CEP63: variants seen among roughly 807,000 people sequenced by gnomAD.
The protein encoded by CEP63 is centrosomal protein of 63 kDa.
Under a neutral mutation model 89.1 loss-of-function variants are expected in CEP63, and 84 were observed. The ratio of observed to expected loss-of-function variants is 0.94; its 90% CI spans 0.79 to 1.13. CEP63 has a LOEUF of 1.13. CEP63 is among the 50% of genes most tolerant of loss of function. The probability of loss-of-function intolerance (pLI) is 0.00; values close to 1 mark genes in which losing one functional copy is unlikely to be tolerated. For synonymous variants in CEP63, 267 were observed against 272.5 expected (o/e 0.98, Z 0.20); for missense variants, 838 against 813.3 (o/e 1.03, Z -0.37).
At chr3:134,554,515 G>A (rs1432789039) in intron 12 of CEP63, among the ~76,000 whole-genome samples, 179 of 147,338 alleles carry the variant, frequency 1.2e-3, no homozygotes, top group African/African-American at 4.4e-3. Context: ...CCAAGTCTTT[G>A]CTATTGTGAA....
intron 12 of CEP63, chr3:134,552,537 A>C (rs1464187126): frequency 6.5e-6 from 1 of 153,108 alleles, no homozygotes; most frequent in Non-Finnish European, 1.5e-5. Flanking sequence ...TATGTGATAA[A>C]ATTTACCTAC....
the CEP63 span, among the ~76,000 whole-genome samples, chr3:134,760,969 G>A: frequency 6.6e-6 from 1 of 151,450 alleles, no homozygotes; most frequent in African/African-American, 2.4e-5. Context: ...AGGTATTCAG[G>A]TTTAATCCTC....
chr3:134,744,088 T>G, the CEP63 span, among the ~76,000 whole-genome samples: 1 of 152,246 alleles, frequency 6.6e-6, no homozygotes, highest in Admixed American at 6.5e-5. Flanking sequence ...TTTTATTGGG[T>G]TCAGAATCCC....
At chr3:134,680,987 T>A in the CEP63 span, among the ~76,000 whole-genome samples, 1 of 152,156 alleles carries the variant, frequency 6.6e-6, no homozygotes, top group Non-Finnish European at 1.5e-5. Flanking sequence ...CACTTGTTAG[T>A]GAAGCCACAA....
At chr3:134,609,541 A>G in the CEP63 span, among the ~76,000 whole-genome samples, 1 of 152,208 alleles carries the variant, frequency 6.6e-6, no homozygotes, top group African/African-American at 2.4e-5. Context: ...TCTGAATAAA[A>G]AGGAATCTGA....
chr3:134,701,363 C>CGTAT, the CEP63 span, among the ~76,000 whole-genome samples: 1 of 15,600 alleles, frequency 6.4e-5, no homozygotes, highest in African/African-American at 9.8e-5. Context: ...TGTATATATA[C>CGTAT]ATATACACAC....
At chr3:134,644,584 C>A in the CEP63 span, among the ~76,000 whole-genome samples, 268 of 152,362 alleles carry the variant, frequency 1.8e-3, no homozygotes, top group African/African-American at 6.1e-3. Flanking sequence ...TGCTGGCTTG[C>A]AGTGGGCTTG....
the CEP63 span, chr3:134,608,967 C>T: frequency 9.6e-7 from 1 of 1,042,396 alleles, no homozygotes; most frequent in Non-Finnish European, 1.4e-6. Context: ...CTAACATGGG[C>T]ACTGGAGACT....
chr3:134,764,339 A>C, the CEP63 span, among the ~76,000 whole-genome samples: 1 of 152,162 alleles, frequency 6.6e-6, no homozygotes, highest in Non-Finnish European at 1.5e-5. Context: ...GGCTTTATAG[A>C]GAATATGTGA....
intron 9 of CEP63, 58 bp downstream of exon 9, chr3:134,547,530 A>C (rs1478248675): frequency 2.1e-6 from 3 of 1,457,742 alleles, no homozygotes; most frequent in Non-Finnish European, 2.9e-6. Flanking sequence ...ATTTTTGATC[A>C]TCATATTGTA....
intron 6 of CEP63, among the ~76,000 whole-genome samples, chr3:134,544,187 AT>A (rs1952683862): frequency 6.6e-6 from 1 of 152,186 alleles, no homozygotes; most frequent in South Asian, 2.1e-4. Flanking sequence ...TTCTACTTGT[AT>A]TTCTAAAGTA....
the CEP63 span, among the ~76,000 whole-genome samples, chr3:134,648,974 G>A: frequency 1.3e-5 from 2 of 152,138 alleles, no homozygotes; most frequent in Admixed American, 6.5e-5. Flanking sequence ...GGAACAAGCT[G>A]GTCTTATTGG....
At chr3:134,504,721 G>A (rs13316205) in intron 2 of CEP63, among the ~76,000 whole-genome samples, 99,768 of 151,590 alleles carry the variant, frequency 0.66, 33,197 homozygotes, top group East Asian at 0.81. Flanking sequence ...CTTTTCTCTT[G>A]CTGGAATAGC....
chr3:134,545,886 G>GATTATTGTTATT, intron 7 of CEP63, 67 bp downstream of exon 7: 1 of 1,202,766 alleles, frequency 8.3e-7, no homozygotes, highest in African/African-American at 1.5e-5. Flanking sequence ...GTGTTATTAA[G>GATTATTGTTATT]CTAGAACTAG....
the CEP63 span, among the ~76,000 whole-genome samples, chr3:134,730,747 A>G: frequency 6.6e-6 from 1 of 152,108 alleles, no homozygotes; most frequent in Non-Finnish European, 1.5e-5. Context: ...TAATATAAAT[A>G]TCACTGGAGA....
At chr3:134,587,278 A>G (rs1041352901) in intron 10 of CEP63, among the ~76,000 whole-genome samples, 2 of 152,066 alleles carry the variant, frequency 1.3e-5, no homozygotes, top group Non-Finnish European at 2.9e-5. Context: ...GAGGTGCTCT[A>G]GTTTTTAGAA....
At chr3:134,701,765 T>C in the CEP63 span, among the ~76,000 whole-genome samples, 1 of 152,056 alleles carries the variant, frequency 6.6e-6, no homozygotes, top group South Asian at 2.1e-4. Context: ...GGTGTTCAAA[T>C]AGCAAGAGAG....
chr3:134,553,266 A>G (rs1955318839), intron 12 of CEP63: 1 of 152,180 alleles, frequency 6.6e-6, no homozygotes, highest in South Asian at 2.1e-4. Context: ...TTCAACTGGA[A>G]AAATGGGGGA....
the CEP63 span, among the ~76,000 whole-genome samples, chr3:134,736,273 C>T: frequency 2.0e-5 from 3 of 152,018 alleles, no homozygotes; most frequent in Admixed American, 6.6e-5. Context: ...ACATTAGAAG[C>T]AATACATTTA....
Sources: gnomAD v4.1 joint callset for allele counts (sites outside exome capture counted in the v4.1 genomes callset) on GRCh38, gnomAD v4.1.1 for gene constraint, MANE v1.5 for transcripts, NCBI Gene and HGNC (gene_info 2026-07-23, HGNC 2026-07-21) for gene names.